ZNF462: variants seen among roughly 807,000 people sequenced by gnomAD.
ZNF462 encodes zinc finger PBX1-interacting protein.
In ZNF462, 10 loss-of-function variants were observed where a neutral mutation model predicts 201.9. The ratio of observed to expected loss-of-function variants is 0.05; its 90% CI spans 0.03 to 0.08. The LOEUF is 0.08. Ranked by LOEUF, ZNF462 falls within the 10% of genes least tolerant of loss-of-function variation. The pLI, the probability that ZNF462 is intolerant of heterozygous loss-of-function variation, is 1.00. For synonymous variants in ZNF462, 1,227 were observed against 1,193.3 expected, an observed-to-expected ratio of 1.03 and a Z score of -0.58; for missense variants, 2,523 against 3,168.3, an observed-to-expected ratio of 0.80 and a Z score of 4.89.
intron 7 of ZNF462, among the ~76,000 whole-genome samples, chr9:106,964,928 T>C (rs7860806): frequency 0.28 from 41,929 of 151,956 alleles, 9,063 homozygotes; most frequent in African/African-American, 0.61. Context: ...TCAGCCTAGA[T>C]ACCACTGTTG....
chr9:106,955,048 G>T (rs886126092), intron 7 of ZNF462, among the ~76,000 whole-genome samples: 3 of 152,050 alleles, frequency 2.0e-5, no homozygotes, highest in Non-Finnish European at 4.4e-5. Context: ...TTCTGGCCAC[G>T]CTACTAACAA....
intron 1 of ZNF462, among the ~76,000 whole-genome samples, chr9:106,896,665 G>A (rs1161718985): frequency 3.3e-5 from 5 of 152,168 alleles, no homozygotes; most frequent in Admixed American, 1.3e-4. Flanking sequence ...CTCCTAGAAC[G>A]AAATTGAACA....
At chr9:106,931,779 A>G in intron 4 of ZNF462, among the ~76,000 whole-genome samples, 1 of 152,226 alleles carries the variant, frequency 6.6e-6, no homozygotes, top group Non-Finnish European at 1.5e-5. Flanking sequence ...TGAAGTCACC[A>G]TCTACAGGGT....
Position 106,972,294 on chromosome 9 carries a change from T to C in ZNF462, c.6695+22T>C. The C allele has an allele frequency of 6.2e-7, 1 of 1,605,046 alleles. No homozygotes were observed. The highest frequency in any genetic ancestry group is 8.5e-7 in the Non-Finnish European group (1 of 1,174,370). On this transcript the variant is annotated intron_variant, in intron 8 of 12. Transcript: ENST00000277225. The surrounding 1 kb of genome is among the most constrained non-coding windows in gnomAD (Gnocchi z 4.8). ...TTAAGTAAGTGACGTAATGAACAGC[T>C]ATGGAAAACAAGGCGGCCGCCCCTG...
In ZNF462 at chr9:106,872,232, T is replaced by C. The variant is rs1827623302; in HGVS notation, c.-31+8877T>C. On this transcript the variant is annotated intron_variant, in intron 1 of 12. Transcript: ENST00000277225. This position sits in a 1 kb window ranked among gnomAD's most constrained non-coding sequence, Gnocchi z 4.5. ...ATAGCTGAAGATGACCAAAGATAGA[T>C]ACCAGCTACAAGTACTTATCACCCA... is the stretch of plus-strand genomic sequence containing the variant. Among the ~76,000 whole-genome samples, 1 of 152,222 alleles carries C rather than the reference T, an allele frequency of 6.6e-6. No homozygotes were observed. The highest frequency in any genetic ancestry group is 2.1e-4 in the South Asian group (1 of 4,834).
rs1047669219 is a variant in ZNF462, at chr9:107,003,182, T to C, written c.7057-112T>C. On this transcript the variant is annotated intron_variant, in intron 10 of 12. Coordinates refer to ENST00000277225, the MANE Select transcript of ZNF462 (RefSeq NM_021224.6). This position sits in a 1 kb window ranked among gnomAD's most constrained non-coding sequence, Gnocchi z 4.4. ...CTTAGGCCCCGGAGTTGTTTGGTCCTGGTTGCAAAACCACAGTCACAGGAA... is the reference window on the plus strand; with the variant it reads ...CTTAGGCCCCGGAGTTGTTTGGTCCCGGTTGCAAAACCACAGTCACAGGAA... 1.4e-6 allele frequency: 2 copies of C among 1,471,584 alleles called. No individual in the cohort carries two copies. The highest frequency in any genetic ancestry group is 4.3e-5 in the Admixed American group (2 of 46,880). The allele number at this position is 1,471,584 out of a possible 1,614,324, so 91.2% of individuals were successfully genotyped here. A position where few individuals can be genotyped will look rare whatever the true frequency, so the allele number is the denominator to read the frequency against.
At chr9:106,892,540 A>G (rs1021705726) in intron 1 of ZNF462, among the ~76,000 whole-genome samples, 1 of 152,050 alleles carries the variant, frequency 6.6e-6, no homozygotes, top group Non-Finnish European at 1.5e-5. Context: ...GTATCTAAGG[A>G]TTTGTGGGGT....
At chr9:106,980,354 A>G (rs1018183869) in intron 9 of ZNF462, among the ~76,000 whole-genome samples, 1 of 152,162 alleles carries the variant, frequency 6.6e-6, no homozygotes, top group Non-Finnish European at 1.5e-5. Context: ...TAGAGTGGCA[A>G]TTTGCACGCA....
chr9:106,881,009 G>A (rs1429854637), intron 1 of ZNF462, among the ~76,000 whole-genome samples: 1 of 152,206 alleles, frequency 6.6e-6, no homozygotes, highest in Non-Finnish European at 1.5e-5. Flanking sequence ...ACAATTTGGA[G>A]GGGTATAGGA....
Position 106,938,845 on chromosome 9 carries a change from GT to G in ZNF462, c.6236-68del. On this transcript the variant is annotated intron_variant, in intron 6 of 12. Coordinates refer to ENST00000277225, the MANE Select transcript of ZNF462 (RefSeq NM_021224.6). This position sits in a 1 kb window ranked among gnomAD's most constrained non-coding sequence, Gnocchi z 4.4. ...TAGCATGAGTTAACTGAGTTATCTT[GT>G]TTCCACCCTGGCCTTATACCCTTCT... 6.8e-7 allele frequency: 1 copy of G among 1,460,314 alleles called. No individual in the cohort carries two copies. The highest frequency in any genetic ancestry group is 9.2e-7 in the Non-Finnish European group (1 of 1,086,190). 90.5% of individuals were successfully genotyped at this position (1,460,314 alleles called of 1,614,324 possible). A position where few individuals can be genotyped will look rare whatever the true frequency, so the allele number is the denominator to read the frequency against.
Position 106,962,168 on chromosome 9 carries a change from T to C in ZNF462, c.6428-9837T>C, listed in dbSNP as rs893228544. On this transcript the variant is annotated intron_variant, in intron 7 of 12. Coordinates refer to ENST00000277225, the MANE Select transcript of ZNF462 (RefSeq NM_021224.6). The surrounding 1 kb of genome is among the most constrained non-coding windows in gnomAD (Gnocchi z 4.6). The stretch of plus-strand genomic sequence containing the variant: ...GAAAATGGAATGCCAGTTAGGAACA[T>C]GTTGCAGTAGAAGTTCACACAGCAA... 2.0e-5 allele frequency among the ~76,000 whole-genome samples: 3 copies of C among 151,984 alleles called. No homozygotes were observed. The highest frequency in any genetic ancestry group is 6.6e-5 in the Admixed American group (1 of 15,222).
In ZNF462 at chr9:106,930,420, C is replaced by A; in HGVS notation, c.5848-105C>A. ...GCCTATATCTCCCTTGGTTTTTAAC[C>A]TGCTAATCGGCTTTAAAATAAAGTA... On this transcript the variant is annotated intron_variant, in intron 3 of 12. Coordinates refer to ENST00000277225, the MANE Select transcript of ZNF462 (RefSeq NM_021224.6). This position sits in a 1 kb window ranked among gnomAD's most constrained non-coding sequence, Gnocchi z 5.8. 7.0e-7 allele frequency: 1 copy of A among 1,438,314 alleles called. No homozygotes were observed. Among genetic ancestry groups the A allele is most frequent in the Non-Finnish European group, 9.4e-7 (1 of 1,065,834 alleles). 89.1% of individuals were successfully genotyped at this position (1,438,314 alleles called of 1,614,324 possible). A position where few individuals can be genotyped will look rare whatever the true frequency, so the allele number is the denominator to read the frequency against.
chr9:106,929,457 A>T lies in ZNF462; in HGVS notation c.5545A>T (p.Ile1849Phe). The T allele has an allele frequency of 6.2e-7, 1 of 1,614,144 alleles. No individual in the cohort carries two copies. Among genetic ancestry groups the T allele is most frequent in the East Asian group, 2.2e-5 (1 of 44,854 alleles). Residue 1849 changes from isoleucine (I) to phenylalanine (F), a missense_variant, in exon 3 of 13, where the codon ATC becomes TTC. Around this residue, in one of 15 missense-constraint regions of ZNF462, gnomAD observed 207 missense variants for 231.6 expected, o/e 0.89. Transcript: ENST00000277225. The surrounding 1 kb of genome is among the most constrained non-coding windows in gnomAD (Gnocchi z 8.7). ...QEIEWLPFRC[I>F]KCFKLSFSTA... is the part of the protein sequence containing the mutation. The stretch of plus-strand genomic sequence containing the variant: ...AATCGAGTGGCTCCCATTCCGCTGC[A>T]TCAAATGCTTCAAGCTGTCCTTTAG...
Position 106,917,648 on chromosome 9 carries a change from C to G in ZNF462, c.-30-5706C>G, listed in dbSNP as rs1433848954. Reference sequence around the variant, plus strand: ...ATTTATCCTCCCTGATATGTTAAACCTTTCATTAGTGTGGTGAATTGCCAA... The same window carrying G: ...ATTTATCCTCCCTGATATGTTAAACGTTTCATTAGTGTGGTGAATTGCCAA... On this transcript the variant is annotated intron_variant, in intron 1 of 12. Coordinates refer to ENST00000277225, the MANE Select transcript of ZNF462 (RefSeq NM_021224.6). This position sits in a 1 kb window ranked among gnomAD's most constrained non-coding sequence, Gnocchi z 4.5. Among the ~76,000 whole-genome samples the G allele has an allele frequency of 6.6e-6, 1 of 152,084 alleles. No individual in the cohort carries two copies. Among genetic ancestry groups the G allele is most frequent in the Non-Finnish European group, 1.5e-5 (1 of 68,024 alleles).
In ZNF462 at chr9:106,925,389, A is replaced by G; in HGVS notation, c.1477A>G (p.Thr493Ala). Residue 493 changes from threonine (T) to alanine (A), a missense_variant, in exon 3 of 13, where the codon ACG (threonine) becomes GCG (alanine). Thr to Ala is a moderately conservative substitution (Grantham distance 58). This residue lies in a region of ZNF462 where 383 missense variants were observed against 453.4 expected (regional missense o/e 0.84). Transcript: ENST00000277225. This position sits in a 1 kb window ranked among gnomAD's most constrained non-coding sequence, Gnocchi z 7.9. ...ACTTGGGGCTCACAAACAGTGTCAC[A>G]CGGGTACAACGTCAGATTGGGATGC... The part of the protein sequence containing the change: ...LKLGAHKQCH[T>A]GTTSDWDAVN... The G allele has an allele frequency of 6.2e-7, 1 of 1,614,210 alleles. No homozygotes were observed. Among genetic ancestry groups the G allele is most frequent in the Non-Finnish European group, 8.5e-7 (1 of 1,180,034 alleles).
intron 1 of ZNF462, among the ~76,000 whole-genome samples, chr9:106,874,631 A>G (rs1395580749): frequency 6.6e-6 from 1 of 152,236 alleles, no homozygotes; most frequent in Admixed American, 6.5e-5. Flanking sequence ...TAAAAAGTAC[A>G]CTGTATAGAT....
intron 1 of ZNF462, among the ~76,000 whole-genome samples, chr9:106,875,424 A>C (rs1056105267): frequency 1.3e-5 from 2 of 152,200 alleles, no homozygotes; most frequent in Non-Finnish European, 2.9e-5. Context: ...ATTGAATATG[A>C]TTCATTTGAA....
intron 1 of ZNF462, among the ~76,000 whole-genome samples, chr9:106,882,580 T>A (rs1828146885): frequency 6.6e-6 from 1 of 152,210 alleles, no homozygotes; most frequent in African/African-American, 2.4e-5. Context: ...GAAAATTTGT[T>A]TGTCGGTAGC....
chr9:107,001,553 A>G (rs780285930), intron 10 of ZNF462, among the ~76,000 whole-genome samples: 5 of 152,130 alleles, frequency 3.3e-5, no homozygotes, highest in Non-Finnish European at 7.4e-5. Flanking sequence ...TTCAAAGAGC[A>G]TTTTCTTATG....
Sources: gnomAD v4.1 joint callset for allele counts (sites outside exome capture counted in the v4.1 genomes callset) on GRCh38, gnomAD v4.1.1 for gene constraint, gnomAD v4.1.1 regional missense constraint, Gnocchi (gnomAD v3.1) non-coding constraint, MANE v1.5 for transcripts, NCBI Gene and HGNC (gene_info 2026-07-23, HGNC 2026-07-21) for gene names.